FIS1: variants seen among roughly 807,000 people sequenced by gnomAD.
The protein encoded by FIS1 is fission, mitochondrial 1.
FIS1 carries 16 observed loss-of-function variants against 21.6 expected under a neutral mutation model. The ratio of observed to expected loss-of-function variants is 0.74; its 90% CI spans 0.50 to 1.12. The LOEUF (loss-of-function observed/expected upper bound fraction) is 1.12. Ranked by LOEUF, FIS1 falls within the 50% of genes most tolerant of loss-of-function variation. The pLI is 0.00. For missense variants in FIS1, 198 were observed against 190.9 expected, an observed-to-expected ratio of 1.04 and a Z score of -0.22; for synonymous variants, 92 against 82.2, an observed-to-expected ratio of 1.12 and a Z score of -0.65.
chr7:101,240,712 G>A (rs1452694785), intron 3 of FIS1, 118 bp downstream of exon 3: 12 of 945,524 alleles, frequency 1.3e-5, no homozygotes, highest in South Asian at 6.9e-5. Flanking sequence ...ATCTGACACC[G>A]CTCTGCACCT....
chr7:101,243,531 C>T (rs1302277675), intron 2 of FIS1, among the ~76,000 whole-genome samples: 2 of 152,110 alleles, frequency 1.3e-5, no homozygotes, highest in African/African-American at 2.4e-5. Flanking sequence ...GCTGAGACAG[C>T]GCCACTGTAC....
At position 101,244,976 on chromosome 7, in the gene FIS1, G is replaced by A. The variant is rs772491435; in HGVS notation, c.29C>T (p.Ser10Phe). The change falls in exon 1 of 5, where the codon TCT becomes TTT. Residue 10 changes from serine (S) to phenylalanine (F), a missense_variant. Coordinates refer to ENST00000223136, the MANE Select transcript of FIS1 (RefSeq NM_016068.3). ...AGGCCTCACCAGCAGGTCCTCCACAGACACCAGCTCGTTCAGCACGGCCTC... is the reference window on the plus strand; with the variant it reads ...AGGCCTCACCAGCAGGTCCTCCACAAACACCAGCTCGTTCAGCACGGCCTC... MEAVLNELVSVEDLLKFEKK... is the reference protein window; with the variant it reads MEAVLNELVFVEDLLKFEKK... 1.4e-5 allele frequency: 22 copies of A among 1,613,940 alleles called. No individual in the cohort carries two copies. The highest frequency in any genetic ancestry group is 2.2e-5 in the East Asian group (1 of 44,890).
intron 4 of FIS1, 87 bp downstream of exon 4, chr7:101,240,055 G>T: frequency 6.7e-7 from 1 of 1,483,666 alleles, no homozygotes; most frequent in Non-Finnish European, 9.4e-7. Context: ...GGGCTGAGGG[G>T]CTGCCTGGAG....
In FIS1 at chr7:101,239,557, G is replaced by A. The variant is rs1011206865; in HGVS notation, c.*249C>T. ...GGAGAGGACCAGGAGTGACGTCTCC[G>A]CCCCCTGTGCCCAGCGTTCAGAACC... is the stretch of plus-strand genomic sequence containing the variant. On this transcript the variant is annotated 3_prime_UTR_variant, in exon 5 of 5. Coordinates refer to ENST00000223136, the MANE Select transcript of FIS1 (RefSeq NM_016068.3). 49 of 568,792 alleles carry A rather than the reference G, an allele frequency of 8.6e-5. No homozygotes were observed. The highest frequency in any genetic ancestry group is 3.5e-4 in the South Asian group (19 of 54,186). 35.2% of individuals were successfully genotyped at this position (568,792 alleles called of 1,614,324 possible). A position where few individuals can be genotyped will look rare whatever the true frequency, so the allele number is the denominator to read the frequency against.
chr7:101,244,308 C>T (rs980560481), intron 1 of FIS1, among the ~76,000 whole-genome samples, 169 bp from the exon 2 acceptor site: 4 of 152,214 alleles, frequency 2.6e-5, no homozygotes, highest in African/African-American at 9.6e-5. Context: ...CTCCTCCGGG[C>T]CTGCGGGCCA....
intron 4 of FIS1, 24 bp downstream of exon 4, chr7:101,240,118 G>A (rs747930189): frequency 6.2e-7 from 1 of 1,611,678 alleles, no homozygotes; most frequent in Non-Finnish European, 8.5e-7. Context: ...GAGCGGGGCT[G>A]AACAAAGGGG....
At position 101,244,151 on chromosome 7, in the gene FIS1, G is replaced by T; in HGVS notation, c.46-12C>A. The T allele has an allele frequency of 6.2e-7, 1 of 1,611,946 alleles. No individual in the cohort carries two copies. Among genetic ancestry groups the T allele is most frequent in the Non-Finnish European group, 8.5e-7 (1 of 1,178,854 alleles). ...TTCTTTTCAAACTTCTGCCACAGGGGAGGAAAGGAATCATTTAGAAATGTA... is the reference window on the plus strand; with the variant it reads ...TTCTTTTCAAACTTCTGCCACAGGGTAGGAAAGGAATCATTTAGAAATGTA... On this transcript the variant is annotated splice_polypyrimidine_tract_variant and intron_variant, in intron 1 of 4. Coordinates refer to ENST00000223136, the MANE Select transcript of FIS1 (RefSeq NM_016068.3).
At chr7:101,240,107 A>G in intron 4 of FIS1, 35 bp downstream of exon 4, 1 of 1,606,382 alleles carries the variant, frequency 6.2e-7, no homozygotes, top group Non-Finnish European at 8.5e-7. Context: ...GGCGTGGGGA[A>G]GAGCGGGGCT....
chr7:101,243,892 T>C, intron 2 of FIS1, 115 bp downstream of exon 2: 1 of 1,365,048 alleles, frequency 7.3e-7, no homozygotes, highest in South Asian at 1.5e-5. Context: ...TCAAGCTAAG[T>C]ATAGCCCTTG....
chr7:101,243,500 G>A (rs1429990545), intron 2 of FIS1, among the ~76,000 whole-genome samples: 7 of 152,198 alleles, frequency 4.6e-5, no homozygotes, highest in Admixed American at 2.6e-4. Flanking sequence ...TGCTTGAACC[G>A]GGAGGTGGTG....
chr7:101,243,602 A>G (rs1798775175), intron 2 of FIS1, among the ~76,000 whole-genome samples: 1 of 152,172 alleles, frequency 6.6e-6, no homozygotes, highest in South Asian at 2.1e-4. Context: ...AAAAAGCACT[A>G]TCTGCTCACA....
In FIS1 at chr7:101,240,831, T is replaced by C. The variant is rs1798737377; in HGVS notation, c.254A>G (p.Lys85Arg). Residue 85 changes from lysine (K) to arginine (R), a missense_variant and splice_region_variant, in exon 3 of 5, where the codon AAG becomes AGG. By Grantham distance (26) the Lys-to-Arg change is conservative. Transcript: ENST00000223136. ...FYLAVGNYRL[K>R]EYEKALKYVR... ...AAGGGAACGGGGTCCCCACCTCACC[T>C]TGAGCCGGTAGTTCCCCACGGCCAG... The C allele has an allele frequency of 9.9e-6, 16 of 1,613,732 alleles. No individual in the cohort carries two copies. The highest frequency in any genetic ancestry group is 1.4e-5 in the Non-Finnish European group (16 of 1,180,002).
chr7:101,244,743 C>CT (rs1798791617), intron 1 of FIS1: 2 of 592,568 alleles, frequency 3.4e-6, no homozygotes, highest in Admixed American at 3.0e-5. Flanking sequence ...GGCCCGTAGT[C>CT]TGAGGTGTGG....
rs763219760 is a variant in FIS1, at chr7:101,240,259, G to A, written c.256-12C>T. 23 of 1,613,076 alleles carry A rather than the reference G, an allele frequency of 1.4e-5. No individual in the cohort carries two copies. The highest frequency in any genetic ancestry group is 2.0e-5 in the Non-Finnish European group (23 of 1,179,120). Reference sequence around the variant, plus strand: ...GCCTTCTCGTATTCCTGCGCTCGGGGAAACGCGCACGCGTCATACACACCG... The same window carrying A: ...GCCTTCTCGTATTCCTGCGCTCGGGAAAACGCGCACGCGTCATACACACCG... On this transcript the variant is annotated splice_polypyrimidine_tract_variant and intron_variant, in intron 3 of 4. Coordinates refer to ENST00000223136, the MANE Select transcript of FIS1 (RefSeq NM_016068.3).
rs767603233 is a variant in FIS1, at chr7:101,244,105, G to A, written c.80C>T (p.Ala27Val). Residue 27 changes from alanine to valine, a missense_variant, in exon 2 of 5, where the codon GCA (alanine) becomes GTA (valine). Physicochemically the swap from Ala to Val is moderately conservative, Grantham distance 64. Coordinates refer to ENST00000223136, the MANE Select transcript of FIS1 (RefSeq NM_016068.3). ...FEKKFQSEKA[A>V]GSVSKSTQFE... is the part of the protein sequence containing the mutation. ...CTGCGTGCTCTTGGACACCGAGCCT[G>A]CTGCCTTCTCAGACTGAAATTTCTT... 3 of 1,613,710 alleles carry A rather than the reference G, an allele frequency of 1.9e-6. No individual in the cohort carries two copies. Among genetic ancestry groups the A allele is most frequent in the Middle Eastern group, 1.6e-4 (1 of 6,078 alleles).
chr7:101,243,537 T>C (rs1408203941), intron 2 of FIS1, among the ~76,000 whole-genome samples: 1 of 152,212 alleles, frequency 6.6e-6, no homozygotes, highest in African/African-American at 2.4e-5. Context: ...ACAGCGCCAC[T>C]GTACTCCAGC....
intron 2 of FIS1, among the ~76,000 whole-genome samples, chr7:101,242,484 ATAGTTT>A (rs1288323681): frequency 6.9e-6 from 1 of 145,124 alleles, no homozygotes; most frequent in East Asian, 2.0e-4. Context: ...TCTTATTTTT[ATAGTTT>A]TTTTTTTTTT....
rs1798739114 is a variant in FIS1 at position 101,240,899 on chromosome 7, C to T, written c.186G>A (p.Leu62=). 7 of 1,614,190 alleles carry T rather than the reference C, an allele frequency of 4.3e-6. No homozygotes were observed. Among genetic ancestry groups the T allele is most frequent in the Non-Finnish European group, 5.9e-6 (7 of 1,180,034 alleles). Residue 62 remains leucine (L), a synonymous_variant, in exon 3 of 5, where the codon CTG becomes CTA. Transcript: ENST00000223136. ...RKGIVLLEEL[L]PKGSKEEQRD... The stretch of plus-strand genomic sequence containing the variant: ...GCTGTTCCTCCTTGCTCCCTTTGGG[C>T]AGCAGCTCTGGGGAGGGGCAGAGAA...
chr7:101,243,974 T>C, intron 2 of FIS1, 33 bp downstream of exon 2: 4 of 1,592,568 alleles, frequency 2.5e-6, no homozygotes, highest in Non-Finnish European at 2.6e-6. Context: ...GCAGCCCAGA[T>C]GGCAGCGGGA....
Sources: allele counts gnomAD v4.1 joint callset (sites outside exome capture counted in the v4.1 genomes callset), GRCh38; gene constraint gnomAD v4.1.1; transcripts MANE v1.5; gene names NCBI Gene and HGNC (gene_info 2026-07-23, HGNC 2026-07-21).